The following SMCHD1 variants were observed in gnomAD, a reference collection of about 807,000 sequenced individuals.
SMCHD1 encodes structural maintenance of chromosomes flexible hinge domain-containing protein 1.
A neutral mutation model predicts 254.7 loss-of-function variants in SMCHD1; 78 were observed. That is an observed-to-expected ratio of 0.31 (90% confidence interval 0.26 to 0.37). The LOEUF (loss-of-function observed/expected upper bound fraction) is 0.37. SMCHD1 is among the 10% of genes least tolerant of loss of function. The pLI is 1.00. For synonymous variants in SMCHD1, 766 were observed against 794.9 expected (o/e 0.96, Z 0.61); for missense variants, 1,840 against 2,408.1 (o/e 0.76, Z 4.94).
At chr18:2,773,664 G>A (rs1375144773) in intron 41 of SMCHD1, among the ~76,000 whole-genome samples, 1 of 152,168 alleles carries the variant, frequency 6.6e-6, no homozygotes, top group Non-Finnish European at 1.5e-5. Flanking sequence ...GCTCACACCT[G>A]TAATCCCAAC....
intron 25 of SMCHD1, among the ~76,000 whole-genome samples, chr18:2,734,366 A>C (rs906021460): frequency 6.6e-6 from 1 of 152,136 alleles, no homozygotes; most frequent in Non-Finnish European, 1.5e-5. Flanking sequence ...TCCCTATCAT[A>C]CCTTCTCTAA....
intron 17 of SMCHD1, among the ~76,000 whole-genome samples, chr18:2,709,072 CTT>C (rs1443366399): frequency 9.4e-5 from 14 of 149,272 alleles, no homozygotes; most frequent in Non-Finnish European, 2.1e-4. Flanking sequence ...TACTTTTTAA[CTT>C]TCTGTCTCTG....
chr18:2,700,872 A>G lies in SMCHD1; in HGVS notation c.1601A>G (p.Lys534Arg). The change falls in exon 12 of 48, where the codon AAA becomes AGA. Residue 534 changes from lysine (K) to arginine (R), a missense_variant. Physicochemically the swap from Lys to Arg is conservative, Grantham distance 26. Coordinates refer to ENST00000320876, the MANE Select transcript of SMCHD1 (RefSeq NM_015295.3). ...TTGACGTTTATGGATCTTGAGCTAA[A>G]ATTGAAAGATAAGAACACCCTTTTT... Reference protein sequence around the residue: ...NKLTFMDLELKLKDKNTLFTR... With the variant: ...NKLTFMDLELRLKDKNTLFTR... 6.2e-7 allele frequency: 1 copy of G among 1,611,896 alleles called. No homozygotes were observed. Among genetic ancestry groups the G allele is most frequent in the Non-Finnish European group, 8.5e-7 (1 of 1,179,020 alleles).
At chr18:2,778,834 C>T (rs966098375) in intron 44 of SMCHD1, 1 of 152,250 alleles carries the variant, frequency 6.6e-6, no homozygotes, top group Non-Finnish European at 1.5e-5. Context: ...TAGGGCCCAC[C>T]GCAGTGACCT....
chr18:2,664,212 G>A (rs956014652), intron 1 of SMCHD1, among the ~76,000 whole-genome samples: 1 of 152,054 alleles, frequency 6.6e-6, no homozygotes, highest in Non-Finnish European at 1.5e-5. Flanking sequence ...ACTTCAGCCT[G>A]AATATGTATT....
intron 17 of SMCHD1, among the ~76,000 whole-genome samples, chr18:2,715,884 T>C (rs1195371606): frequency 3.3e-5 from 5 of 152,230 alleles, no homozygotes; most frequent in Non-Finnish European, 5.9e-5. Context: ...TTGAATTTTT[T>C]ATTTGATATT....
chr18:2,789,586 A>G (rs542609222), intron 45 of SMCHD1, among the ~76,000 whole-genome samples: 4 of 152,246 alleles, frequency 2.6e-5, no homozygotes, highest in South Asian at 2.1e-4. Flanking sequence ...ACATTTTTCA[A>G]CTTCACAGTA....
chr18:2,719,968 C>A (rs1044946679), intron 19 of SMCHD1, among the ~76,000 whole-genome samples: 3 of 150,462 alleles, frequency 2.0e-5, no homozygotes, highest in African/African-American at 7.3e-5. Context: ...AGCCACCGCA[C>A]GTGGCCCTGT....
intron 1 of SMCHD1, among the ~76,000 whole-genome samples, chr18:2,662,984 TTGA>T (rs1351830473): frequency 6.6e-6 from 1 of 152,206 alleles, no homozygotes; most frequent in Non-Finnish European, 1.5e-5. Context: ...AGGCCTACAC[TTGA>T]TGGGCTCAGA....
chr18:2,699,880 A>G (rs1365333483), intron 10 of SMCHD1, among the ~76,000 whole-genome samples: 1 of 152,222 alleles, frequency 6.6e-6, no homozygotes, highest in African/African-American at 2.4e-5. Flanking sequence ...ATTCCAGGGT[A>G]GCTGAGGTGT....
chr18:2,718,501 G>GA lies in SMCHD1; in HGVS notation c.2458+68dup, dbSNP rs1412109894. 5.4e-5 allele frequency: 72 copies of GA among 1,342,118 alleles called. No homozygotes were observed. Among genetic ancestry groups the GA allele is most frequent in the Non-Finnish European group, 9.2e-6 (9 of 978,684 alleles). 83.1% of individuals were successfully genotyped at this position (1,342,118 alleles called of 1,614,324 possible). ...GCATTTTAAATCCAAAGAGAAAAGA[G>GA]AGATAAGCCATTAAAAGATGTTTGA... On this transcript the variant is annotated intron_variant, in intron 19 of 47. Transcript: ENST00000320876. This position sits in a 1 kb window ranked among gnomAD's most constrained non-coding sequence, Gnocchi z 4.6.
At chr18:2,709,251 C>CT (rs2074611812) in intron 17 of SMCHD1, among the ~76,000 whole-genome samples, 1 of 95,166 alleles carries the variant, frequency 1.1e-5, no homozygotes, top group African/African-American at 4.0e-5. Flanking sequence ...TATATATATA[C>CT]ACACACACAT....
chr18:2,762,768 G>A (rs952925269), intron 36 of SMCHD1, among the ~76,000 whole-genome samples: 3 of 152,114 alleles, frequency 2.0e-5, no homozygotes, highest in Non-Finnish European at 4.4e-5. Flanking sequence ...GATTACAGCT[G>A]TGAACCACCA....
rs1415465387 is a variant in SMCHD1 at position 2,803,528 on chromosome 18, T to A, written c.*976T>A. 3.3e-5 allele frequency: 5 copies of A among 152,092 alleles called. No homozygotes were observed. Among genetic ancestry groups the A allele is most frequent in the Non-Finnish European group, 7.4e-5 (5 of 67,986 alleles). 9.4% of individuals were successfully genotyped at this position (152,092 alleles called of 1,614,324 possible). A position where few individuals can be genotyped will look rare whatever the true frequency, so the allele number is the denominator to read the frequency against. ...TAAGGACATACATTTGGTAAGTAAG[T>A]TTGTGTCCCAGGAAATGTATGTGTT... On this transcript the variant is annotated 3_prime_UTR_variant, in exon 48 of 48. Transcript: ENST00000320876.
At chr18:2,794,051 G>A (rs935491424) in intron 45 of SMCHD1, among the ~76,000 whole-genome samples, 2 of 152,060 alleles carry the variant, frequency 1.3e-5, no homozygotes, top group African/African-American at 2.4e-5. Context: ...GATCATCTTG[G>A]TGTGTGACTA....
chr18:2,768,367 C>T (rs556841371), intron 37 of SMCHD1, among the ~76,000 whole-genome samples: 1 of 151,906 alleles, frequency 6.6e-6, no homozygotes, highest in East Asian at 1.9e-4. Flanking sequence ...TAAATGTTGG[C>T]CAGCATAAGG....
rs940065772 is a variant in SMCHD1, at chr18:2,718,701, G to A, written c.2458+267G>A. ...CTCCCGAGTAGCTGGGATTACAGGC[G>A]CCCGCCACCACACCTGGCTTTTTGT... On this transcript the variant is annotated intron_variant, in intron 19 of 47. Transcript: ENST00000320876. The surrounding 1 kb of genome is among the most constrained non-coding windows in gnomAD (Gnocchi z 4.6). Among the ~76,000 whole-genome samples the A allele has an allele frequency of 1.3e-5, 2 of 151,932 alleles. No individual in the cohort carries two copies. Among genetic ancestry groups the A allele is most frequent in the African/African-American group, 4.8e-5 (2 of 41,314 alleles).
chr18:2,690,975 CCTTTT>C (rs1568150888), intron 7 of SMCHD1, among the ~76,000 whole-genome samples: 4 of 143,824 alleles, frequency 2.8e-5, no homozygotes, highest in Non-Finnish European at 4.6e-5. Context: ...AAAAAAAAAA[CCTTTT>C]CTTTCATTAG....
chr18:2,801,603 AG>A (rs2076363430), intron 47 of SMCHD1, among the ~76,000 whole-genome samples: 1 of 152,192 alleles, frequency 6.6e-6, no homozygotes, highest in African/African-American at 2.4e-5. Flanking sequence ...CCATACAATC[AG>A]GAACAAATTT....
Sources: gnomAD v4.1 joint callset for allele counts (sites outside exome capture counted in the v4.1 genomes callset) on GRCh38, gnomAD v4.1.1 for gene constraint, Gnocchi (gnomAD v3.1) non-coding constraint, MANE v1.5 for transcripts, NCBI Gene and HGNC (gene_info 2026-07-23, HGNC 2026-07-21) for gene names.